The following VAT1L variants were observed in gnomAD, a reference collection of about 807,000 sequenced individuals.
VAT1L encodes the protein vesicle amine transport 1 like.
VAT1L carries 34 observed loss-of-function variants against 44.1 expected under a neutral mutation model. The ratio of observed to expected loss-of-function variants is 0.77; its 90% confidence interval spans 0.59 to 1.03. The LOEUF is 1.03. Among genes scored for constraint, VAT1L ranks in the 50% least tolerant of loss-of-function variants. The pLI, the probability that VAT1L is intolerant of heterozygous loss-of-function variation, is 0.00. For missense variants in VAT1L, 615 were observed against 538.8 expected (o/e 1.14, Z -1.40); for synonymous variants, 253 against 202.2 (o/e 1.25, Z -2.13).
intron 7 of VAT1L, among the ~76,000 whole-genome samples, chr16:77,919,226 G>C (rs943180366): frequency 2.3e-5 from 1 of 44,166 alleles, no homozygotes; most frequent in African/African-American, 5.1e-5. Context: ...TAGGTGTCCA[G>C]GGGAAAACAG....
intron 7 of VAT1L, among the ~76,000 whole-genome samples, chr16:77,906,538 TGAGG>T (rs1214521517): frequency 6.6e-6 from 1 of 152,024 alleles, no homozygotes; most frequent in Non-Finnish European, 1.5e-5. Context: ...AGAGAAAAAG[TGAGG>T]GAGAAGAAGA....
intron 7 of VAT1L, among the ~76,000 whole-genome samples, chr16:77,894,979 A>C (rs1259813491): frequency 6.6e-6 from 1 of 151,820 alleles, no homozygotes. Context: ...ATTGGGCTCC[A>C]GAAGCAATTG....
At chr16:77,802,125 A>G (rs1406268264) in intron 1 of VAT1L, among the ~76,000 whole-genome samples, 4 of 152,208 alleles carry the variant, frequency 2.6e-5, no homozygotes, top group Non-Finnish European at 4.4e-5. Flanking sequence ...TTTGAGCCTC[A>G]GCATCTCTGT....
intron 7 of VAT1L, among the ~76,000 whole-genome samples, chr16:77,957,440 T>C (rs928529192): frequency 2.0e-5 from 3 of 152,180 alleles, no homozygotes; most frequent in African/African-American, 7.2e-5. Context: ...TAAAATCTAT[T>C]TTTTAGCAAG....
At chr16:77,806,169 C>A (rs551288228) in intron 1 of VAT1L, among the ~76,000 whole-genome samples, 1 of 150,632 alleles carries the variant, frequency 6.6e-6, no homozygotes, top group South Asian at 2.1e-4. Context: ...AGCCTCTGCC[C>A]CCTTTTTAAA....
chr16:77,880,756 C>T (rs747690978), intron 6 of VAT1L, among the ~76,000 whole-genome samples: 7 of 151,998 alleles, frequency 4.6e-5, no homozygotes, highest in Middle Eastern at 3.4e-3. Context: ...CCCCTGCCCC[C>T]CTCCCAGTCC....
intron 7 of VAT1L, among the ~76,000 whole-genome samples, chr16:77,892,179 C>T (rs1239481581): frequency 6.6e-6 from 1 of 152,160 alleles, no homozygotes; most frequent in Non-Finnish European, 1.5e-5. Flanking sequence ...TCAACTCTAG[C>T]ACCAGACTGG....
At chr16:77,836,237 A>G (rs1174676998) in intron 3 of VAT1L, among the ~76,000 whole-genome samples, 1 of 152,080 alleles carries the variant, frequency 6.6e-6, no homozygotes, top group Non-Finnish European at 1.5e-5. Context: ...AGTGCTCTTG[A>G]CACTATACCA....
In VAT1L at chr16:77,943,039, C is replaced by T. The variant is rs139299394; in HGVS notation, c.1078-28811C>T. Among the ~76,000 whole-genome samples, 708 of 140,660 alleles carry T rather than the reference C, an allele frequency of 5.0e-3. 4 individuals carry two copies. Among genetic ancestry groups the T allele is most frequent in the Middle Eastern group, 0.036 (6 of 168 alleles). 92.3% of individuals were successfully genotyped at this position (140,660 alleles called of 152,430 possible). ...GGATTACAGGTGTGAGCCACTGTGC[C>T]CAGCCCACCCTGTATTCTTTTTTGT... is the stretch of plus-strand genomic sequence containing the variant. On this transcript the variant is annotated intron_variant, in intron 7 of 8. Transcript: ENST00000302536.
intron 3 of VAT1L, among the ~76,000 whole-genome samples, chr16:77,829,161 A>T (rs936529927): frequency 1.3e-5 from 2 of 152,190 alleles, no homozygotes; most frequent in Non-Finnish European, 2.9e-5. Context: ...GCCAGCCCAG[A>T]TTCTTCAGTC....
intron 7 of VAT1L, among the ~76,000 whole-genome samples, chr16:77,944,130 T>C (rs936422329): frequency 1.3e-5 from 2 of 152,120 alleles, no homozygotes; most frequent in African/African-American, 4.8e-5. Flanking sequence ...TGGGATCTAG[T>C]GAATGGAGGC....
intron 1 of VAT1L, among the ~76,000 whole-genome samples, chr16:77,812,938 G>A (rs2016290229): frequency 6.6e-6 from 1 of 152,058 alleles, no homozygotes; most frequent in Non-Finnish European, 1.5e-5. Context: ...AGGATTACCT[G>A]GCAGAACTTT....
chr16:77,810,546 A>G (rs1345455239), intron 1 of VAT1L, among the ~76,000 whole-genome samples: 1 of 152,076 alleles, frequency 6.6e-6, no homozygotes, highest in Non-Finnish European at 1.5e-5. Flanking sequence ...AGCACTTCCC[A>G]CACTTCCCAG....
chr16:77,921,897 C>T (rs992915876), intron 7 of VAT1L, among the ~76,000 whole-genome samples: 2 of 152,092 alleles, frequency 1.3e-5, no homozygotes, highest in African/African-American at 2.4e-5. Flanking sequence ...GTGCATACCA[C>T]TACACCTGGG....
intron 4 of VAT1L, among the ~76,000 whole-genome samples, chr16:77,867,201 C>T (rs1338388355): frequency 5.3e-5 from 8 of 152,092 alleles, no homozygotes; most frequent in Non-Finnish European, 8.8e-5. Context: ...CTGCAAAACT[C>T]CTCTTGGTTT....
At chr16:77,952,332 T>C (rs2018053848) in intron 7 of VAT1L, among the ~76,000 whole-genome samples, 1 of 152,120 alleles carries the variant, frequency 6.6e-6, no homozygotes, top group Non-Finnish European at 1.5e-5. Flanking sequence ...ATCCCCAACG[T>C]TGGAGATGGG....
At chr16:77,878,660 CT>C (rs2017115143) in intron 5 of VAT1L, among the ~76,000 whole-genome samples, 1 of 152,076 alleles carries the variant, frequency 6.6e-6, no homozygotes, top group African/African-American at 2.4e-5. Context: ...CCCTGGGCCC[CT>C]TTTCATTCTC....
chr16:77,860,610 C>G (rs940949063), intron 3 of VAT1L, among the ~76,000 whole-genome samples: 26 of 152,212 alleles, frequency 1.7e-4, no homozygotes, highest in Admixed American at 6.5e-5. Flanking sequence ...TTATCTCAAG[C>G]GCTGTCCATA....
At chr16:77,848,169 T>C (rs1177553964) in intron 3 of VAT1L, among the ~76,000 whole-genome samples, 1 of 152,196 alleles carries the variant, frequency 6.6e-6, no homozygotes, top group Non-Finnish European at 1.5e-5. Flanking sequence ...AGGAAGGCTG[T>C]GGACAGCATA....
Sources: allele counts gnomAD v4.1 joint callset (sites outside exome capture counted in the v4.1 genomes callset), GRCh38; gene constraint gnomAD v4.1.1; transcripts MANE v1.5; gene names NCBI Gene and HGNC (gene_info 2026-07-23, HGNC 2026-07-21).